The following KCTD1 variants were observed in gnomAD, a reference collection of about 807,000 sequenced individuals.
KCTD1 encodes potassium channel tetramerization domain containing 1.
A neutral mutation model predicts 66.0 loss-of-function variants in KCTD1; 24 were observed. That is an observed-to-expected ratio of 0.36 (90% CI 0.26 to 0.51). The LOEUF (loss-of-function observed/expected upper bound fraction) is 0.51. Among genes scored for constraint, KCTD1 ranks in the 20% least tolerant of loss-of-function variants. KCTD1 has a pLI of 0.95. For synonymous variants in KCTD1, 511 were observed against 517.2 expected, an observed-to-expected ratio of 0.99 and a Z score of 0.16; for missense variants, 943 against 1,205.2, an observed-to-expected ratio of 0.78 and a Z score of 3.22.
rs978244767 is a variant in KCTD1, at chr18:26,463,427, GA to G, written c.2134-3503del. Among the ~76,000 whole-genome samples, 8 of 149,212 alleles carry G rather than the reference GA, an allele frequency of 5.4e-5. No individual in the cohort carries two copies. The South Asian group carries it at 1.1e-3, about 20-fold the overall frequency. ...GAAAGACCCATCTCAAAAAAAAAGA[GA>G]AAAAAAAAGGCACCATCCATATTTC... On this transcript the variant is annotated intron_variant, in intron 3 of 4. Transcript: ENST00000580059.
intron 1 of KCTD1, among the ~76,000 whole-genome samples, chr18:26,638,864 T>C (rs1327548784): frequency 6.6e-6 from 1 of 152,270 alleles, no homozygotes; most frequent in Non-Finnish European, 1.5e-5. Flanking sequence ...TTTATCATGC[T>C]GTCCTTAAAA....
In KCTD1 at chr18:26,567,803, C is replaced by T. The variant is rs140861334; in HGVS notation, c.-16+61344G>A. ...TGCCCGGCCAAGTGCTTCTTTGAAACCATCTACTGTTACAGTAAATAGAAA... is the reference window on the plus strand; with the variant it reads ...TGCCCGGCCAAGTGCTTCTTTGAAATCATCTACTGTTACAGTAAATAGAAA... On this transcript the variant is annotated intron_variant, in intron 1 of 4. Transcript: ENST00000317932. 9.0e-4 allele frequency among the ~76,000 whole-genome samples: 137 copies of T among 152,162 alleles called. 1 individual carries two copies. The highest frequency in any genetic ancestry group is 3.1e-3 in the African/African-American group (130 of 41,514).
At chr18:26,533,856 A>G (rs1462946053) in intron 1 of KCTD1, among the ~76,000 whole-genome samples, 1 of 149,428 alleles carries the variant, frequency 6.7e-6, no homozygotes, top group Admixed American at 6.7e-5. Flanking sequence ...AAAGCAAGCC[A>G]TGGAATTTGC....
chr18:26,535,114 T>TGGGG (rs1984633313), intron 1 of KCTD1, among the ~76,000 whole-genome samples: 10 of 110,778 alleles, frequency 9.0e-5, no homozygotes, highest in African/African-American at 1.1e-4. Flanking sequence ...GGTTGGGGGG[T>TGGGG]GGGGGTGGAG....
At chr18:26,593,858 G>C (rs1392323462) in intron 1 of KCTD1, among the ~76,000 whole-genome samples, 1 of 143,272 alleles carries the variant, frequency 7.0e-6, no homozygotes, top group African/African-American at 2.7e-5. Flanking sequence ...AGGAGGAAGA[G>C]GAGAACAAGG....
At chr18:26,467,140 T>G (rs1598877432) in intron 3 of KCTD1, among the ~76,000 whole-genome samples, 1 of 151,882 alleles carries the variant, frequency 6.6e-6, no homozygotes, top group Non-Finnish European at 1.5e-5. Flanking sequence ...TAGTTTGTTT[T>G]TTTTTTTTTG....
intron 1 of KCTD1, among the ~76,000 whole-genome samples, chr18:26,656,056 TG>T (rs1052209152): frequency 1.4e-5 from 2 of 147,986 alleles, no homozygotes; most frequent in South Asian, 2.2e-4. Context: ...CGGCGGCAGT[TG>T]GGGGGGCGGA....
chr18:26,482,324 G>A (rs1030132986), intron 2 of KCTD1, among the ~76,000 whole-genome samples: 1 of 152,150 alleles, frequency 6.6e-6, no homozygotes, highest in Non-Finnish European at 1.5e-5. Flanking sequence ...ACACTGAACT[G>A]AACCAAACCA....
At chr18:26,621,468 G>T (rs1207426495) in intron 1 of KCTD1, among the ~76,000 whole-genome samples, 3 of 152,050 alleles carry the variant, frequency 2.0e-5, no homozygotes, top group African/African-American at 7.2e-5. Flanking sequence ...AGCCGTCCAA[G>T]AGCTGAGTCT....
chr18:26,456,674 T>C (rs1354879931), intron 4 of KCTD1: 1 of 152,206 alleles, frequency 6.6e-6, no homozygotes, highest in African/African-American at 2.4e-5. Flanking sequence ...TGTTCCTTAA[T>C]TTTGAAATCA....
At chr18:26,519,701 T>G (rs1261148181) in intron 1 of KCTD1, among the ~76,000 whole-genome samples, 1 of 152,190 alleles carries the variant, frequency 6.6e-6, no homozygotes, top group Admixed American at 6.5e-5. Flanking sequence ...TTAAACAAAT[T>G]AAGCAGTGAT....
At chr18:26,493,723 T>C (rs1316058979) in intron 2 of KCTD1, among the ~76,000 whole-genome samples, 3 of 152,216 alleles carry the variant, frequency 2.0e-5, no homozygotes, top group African/African-American at 7.2e-5. Flanking sequence ...TAACTTTTAG[T>C]TATTTTAAAA....
At chr18:26,646,703 ATTT>A (rs1428633718) in intron 1 of KCTD1, among the ~76,000 whole-genome samples, 1 of 152,182 alleles carries the variant, frequency 6.6e-6, no homozygotes, top group Non-Finnish European at 1.5e-5. Flanking sequence ...TTGACTCAGA[ATTT>A]TTTTAAGAGG....
intron 2 of KCTD1, among the ~76,000 whole-genome samples, chr18:26,483,139 T>G (rs555477707): frequency 6.6e-6 from 1 of 152,200 alleles, no homozygotes; most frequent in Non-Finnish European, 1.5e-5. Flanking sequence ...TGATACCTGC[T>G]TATGTTGTCA....
chr18:26,620,454 T>TTTTTA (rs1987355193), intron 1 of KCTD1, among the ~76,000 whole-genome samples: 2 of 64,270 alleles, frequency 3.1e-5, no homozygotes, highest in Admixed American at 1.9e-4. Flanking sequence ...TTTTTTTTTT[T>TTTTTA]GAGACAGGGT....
intron 1 of KCTD1, among the ~76,000 whole-genome samples, chr18:26,593,691 AGAAGATAAGCAG>A (rs1986692306): frequency 4.9e-5 from 5 of 101,682 alleles, no homozygotes; most frequent in African/African-American, 7.8e-5. Flanking sequence ...AGGAGGAGGA[AGAAGATAAGCAG>A]GAGGAGGAAG....
intron 3 of KCTD1, among the ~76,000 whole-genome samples, chr18:26,465,380 G>A (rs770167595): frequency 1.3e-4 from 20 of 152,144 alleles, no homozygotes; most frequent in African/African-American, 3.4e-4. Context: ...CACCGTGCCC[G>A]GCCCATTCTT....
intron 1 of KCTD1, among the ~76,000 whole-genome samples, chr18:26,595,876 CA>C (rs746811477): frequency 6.6e-6 from 1 of 152,016 alleles, no homozygotes; most frequent in African/African-American, 2.4e-5. Flanking sequence ...CCTATCTCTA[CA>C]AAAAATAATT....
intron 1 of KCTD1, among the ~76,000 whole-genome samples, chr18:26,577,808 A>G (rs943114329): frequency 6.6e-6 from 1 of 152,018 alleles, no homozygotes; most frequent in African/African-American, 2.4e-5. Flanking sequence ...ACCAGACCTC[A>G]AGTGATCCTC....
Sources: gnomAD v4.1 joint callset for allele counts (sites outside exome capture counted in the v4.1 genomes callset) on GRCh38, gnomAD v4.1.1 for gene constraint, MANE v1.5 for transcripts, NCBI Gene and HGNC (gene_info 2026-07-23, HGNC 2026-07-21) for gene names.